ARHGEF11: variants seen among roughly 807,000 people sequenced by gnomAD.
ARHGEF11 encodes the protein Rho guanine nucleotide exchange factor 11, also known as Rho guanine exchange factor (GEF) 11.
ARHGEF11 carries 55 observed loss-of-function variants against 193.7 expected under a neutral mutation model. The observed-to-expected ratio is 0.28, with a 90% CI of 0.23 to 0.36. The LOEUF is 0.36. ARHGEF11 is among the 10% of genes least tolerant of loss of function. The pLI, the probability that ARHGEF11 is intolerant of heterozygous loss-of-function variation, is 1.00. For missense variants in ARHGEF11, 1,723 were observed against 2,005.6 expected, an observed-to-expected ratio of 0.86 and a Z score of 2.69; for synonymous variants, 693 against 768.0, an observed-to-expected ratio of 0.90 and a Z score of 1.62.
At chr1:157,011,582 A>G (rs977609541) in intron 1 of ARHGEF11, among the ~76,000 whole-genome samples, 2 of 152,186 alleles carry the variant, frequency 1.3e-5, no homozygotes, top group African/African-American at 2.4e-5. Flanking sequence ...TGCAAACCAC[A>G]TATCTGATAA....
intron 1 of ARHGEF11, among the ~76,000 whole-genome samples, chr1:157,005,598 T>C (rs1361020211): frequency 1.3e-5 from 2 of 152,204 alleles, no homozygotes; most frequent in African/African-American, 4.8e-5. Context: ...TATCAAAACC[T>C]TACTTAAAAC....
At chr1:157,000,554 A>C (rs1667088697) in intron 1 of ARHGEF11, among the ~76,000 whole-genome samples, 1 of 152,144 alleles carries the variant, frequency 6.6e-6, no homozygotes, top group Non-Finnish European at 1.5e-5. Flanking sequence ...CAGAAGATTC[A>C]CCTTTCTAAT....
At chr1:157,039,446 T>C (rs1672466676) in intron 1 of ARHGEF11, among the ~76,000 whole-genome samples, 1 of 152,218 alleles carries the variant, frequency 6.6e-6, no homozygotes, top group Non-Finnish European at 1.5e-5. Context: ...GTTGTGTTCT[T>C]TCCTCAGAAC....
chr1:156,999,963 G>GT (rs1265057375), intron 1 of ARHGEF11, among the ~76,000 whole-genome samples: 3 of 152,216 alleles, frequency 2.0e-5, no homozygotes, highest in Admixed American at 1.3e-4. Context: ...CTCTACAAGA[G>GT]TATCTTTTTA....
chr1:156,963,773 A>T, intron 11 of ARHGEF11, 179 bp from the exon 12 acceptor site: 2 of 1,428,820 alleles, frequency 1.4e-6, no homozygotes, highest in Non-Finnish European at 1.8e-6. Flanking sequence ...TTCCACTTGC[A>T]GGAAGTCAAC....
At chr1:157,004,967 T>TA (rs1404203773) in intron 1 of ARHGEF11, among the ~76,000 whole-genome samples, 1 of 152,224 alleles carries the variant, frequency 6.6e-6, no homozygotes, top group Non-Finnish European at 1.5e-5. Context: ...CTCTAACTCT[T>TA]ACTCCCAAGA....
chr1:157,028,472 A>C (rs945769797), intron 1 of ARHGEF11, among the ~76,000 whole-genome samples: 2 of 152,208 alleles, frequency 1.3e-5, no homozygotes, highest in African/African-American at 4.8e-5. Context: ...TCAACATAAA[A>C]GTCATACCCC....
At chr1:156,992,511 G>A (rs111861050) in intron 1 of ARHGEF11, among the ~76,000 whole-genome samples, 33 of 152,320 alleles carry the variant, frequency 2.2e-4, no homozygotes, top group African/African-American at 4.3e-4. Flanking sequence ...CAGGGTGGGC[G>A]ACAAAGCAAG....
At chr1:156,947,719 C>A in intron 25 of ARHGEF11, 50 bp downstream of exon 25, 1 of 1,596,958 alleles carries the variant, frequency 6.3e-7, no homozygotes. Context: ...CATTCTGGAC[C>A]TATTCCCACA....
intron 1 of ARHGEF11, among the ~76,000 whole-genome samples, chr1:157,029,690 C>A (rs543936810): frequency 1.3e-5 from 2 of 152,246 alleles, no homozygotes; most frequent in East Asian, 3.9e-4. Context: ...AAAACCTGCA[C>A]ACAAATGTTA....
At chr1:156,997,852 AT>A (rs368706785) in intron 1 of ARHGEF11, among the ~76,000 whole-genome samples, 4,228 of 147,758 alleles carry the variant, frequency 0.029, 75 homozygotes, top group South Asian at 0.056. Flanking sequence ...CACCTGTATT[AT>A]TTTTTTTTTT....
intron 21 of ARHGEF11, among the ~76,000 whole-genome samples, chr1:156,952,143 CTTTA>C (rs1166399681): frequency 2.0e-5 from 3 of 152,174 alleles, no homozygotes; most frequent in East Asian, 1.9e-4. Context: ...TTTTAGAGTT[CTTTA>C]TTTGTTTTTC....
intron 1 of ARHGEF11, among the ~76,000 whole-genome samples, chr1:157,027,824 C>T (rs1159335530): frequency 1.3e-5 from 2 of 152,118 alleles, no homozygotes; most frequent in African/African-American, 4.8e-5. Context: ...AAATGTCTTG[C>T]GATGCTTGCT....
chr1:156,979,586 G>T (rs1423543579), intron 4 of ARHGEF11, among the ~76,000 whole-genome samples: 3 of 152,070 alleles, frequency 2.0e-5, no homozygotes, highest in Non-Finnish European at 4.4e-5. Flanking sequence ...GGATGGTCTC[G>T]ATCTCCTGAC....
At position 156,968,744 on chromosome 1, in the gene ARHGEF11, G is replaced by A. The variant is rs148273133; in HGVS notation, c.825+538C>T. Among the ~76,000 whole-genome samples, 696 of 152,076 alleles carry A rather than the reference G, an allele frequency of 4.6e-3. 2 individuals are homozygous for A. Among genetic ancestry groups the A allele is most frequent in the Non-Finnish European group, 8.0e-3 (542 of 68,016 alleles). ...CATTCATTCTTACTTTTGTATTGCC[G>A]TTCATAGTTTACATGTGCAAACTGA... On this transcript the variant is annotated intron_variant, in intron 10 of 40. Coordinates refer to ENST00000368194, the MANE Select transcript of ARHGEF11 (RefSeq NM_198236.3).
At chr1:156,967,427 C>T (rs1269027965) in intron 11 of ARHGEF11, among the ~76,000 whole-genome samples, 1 of 152,202 alleles carries the variant, frequency 6.6e-6, no homozygotes, top group Non-Finnish European at 1.5e-5. Context: ...AGTCAAAACC[C>T]ATCTTCCTGA....
In ARHGEF11 at chr1:156,945,142, A is replaced by G. The variant is rs1454163691; in HGVS notation, c.2868T>C (p.Ile956=). The G allele has an allele frequency of 6.2e-7, 1 of 1,614,128 alleles. No individual in the cohort carries two copies. The highest frequency in any genetic ancestry group is 1.7e-5 in the Admixed American group (1 of 60,026). Residue 956 remains isoleucine, a synonymous_variant, in exon 30 of 41, where the codon ATT becomes ATC. Coordinates refer to ENST00000368194, the MANE Select transcript of ARHGEF11 (RefSeq NM_198236.3). ...TTACCGCTTCATTCACATACTTGAGAATCTCCCGGCACTGGTCCCGGGCCC... is the reference window on the plus strand; with the variant it reads ...TTACCGCTTCATTCACATACTTGAGGATCTCCCGGCACTGGTCCCGGGCCC... The part of the protein sequence containing the change: ...LCRARDQCRE[I]LKYVNEAVKQ...
intron 20 of ARHGEF11, 71 bp downstream of exon 20, chr1:156,955,632 A>G: frequency 1.6e-6 from 2 of 1,228,734 alleles, no homozygotes; most frequent in East Asian, 2.3e-5. Flanking sequence ...CTCTGCCAAC[A>G]TACTGGTACA....
chr1:157,032,987 T>C (rs1471598992), intron 1 of ARHGEF11, among the ~76,000 whole-genome samples: 1 of 152,132 alleles, frequency 6.6e-6, no homozygotes, highest in Non-Finnish European at 1.5e-5. Context: ...TTTAAATGTA[T>C]GCCTCTCAGG....
Sources: gnomAD v4.1 joint callset for allele counts (sites outside exome capture counted in the v4.1 genomes callset) on GRCh38, gnomAD v4.1.1 for gene constraint, MANE v1.5 for transcripts, NCBI Gene and HGNC (gene_info 2026-07-23, HGNC 2026-07-21) for gene names.